Variants in KDM7A observed in about 807,000 individuals in gnomAD.
KDM7A encodes the protein lysine-specific demethylase 7A.
Under a neutral mutation model 114.8 loss-of-function variants are expected in KDM7A, and 28 were observed. The observed-to-expected ratio is 0.24, with a 90% CI of 0.18 to 0.33. The LOEUF (loss-of-function observed/expected upper bound fraction) is 0.33. Among genes scored for constraint, KDM7A ranks in the 10% least tolerant of loss-of-function variants. The probability of loss-of-function intolerance (pLI) is 1.00; values close to 1 mark genes in which losing one functional copy is unlikely to be tolerated. For synonymous variants in KDM7A, 423 were observed against 397.8 expected, an observed-to-expected ratio of 1.06 and a Z score of -0.75; for missense variants, 942 against 1,142.5, an observed-to-expected ratio of 0.82 and a Z score of 2.53.
intron 10 of KDM7A, 31 bp from the exon 11 acceptor site, chr7:140,111,215 C>T (rs377753098): frequency 7.0e-7 from 1 of 1,423,078 alleles, no homozygotes; most frequent in African/African-American, 1.4e-5. Flanking sequence ...ATAAGAAAAC[C>T]AAAGTTATTT....
intron 1 of KDM7A, among the ~76,000 whole-genome samples, chr7:140,153,403 G>A (rs1001637067): frequency 4.0e-5 from 6 of 151,492 alleles, no homozygotes; most frequent in East Asian, 2.0e-4. Context: ...GGAGAATGGC[G>A]TGAACCCAGG....
intron 1 of KDM7A, among the ~76,000 whole-genome samples, chr7:140,162,452 G>A (rs1794531436): frequency 6.6e-6 from 1 of 152,076 alleles, no homozygotes; most frequent in South Asian, 2.1e-4. Context: ...GGAAGAATAT[G>A]TTAACAAAAC....
At chr7:140,140,943 G>A (rs1044379744) in intron 1 of KDM7A, among the ~76,000 whole-genome samples, 3 of 151,890 alleles carry the variant, frequency 2.0e-5, no homozygotes, top group Admixed American at 6.6e-5. Flanking sequence ...AATCTATAGA[G>A]AAATCATAAG....
chr7:140,126,662 G>C lies in KDM7A; in HGVS notation c.863C>G (p.Thr288Ser). The part of the protein sequence containing the change: ...YTDFHIDFGG[T>S]SVWYHVLWGE... ...CCAGAGGACATGGTACCAGACTGAAGTTCCACCGAAGTCAATGTGGAAATC... is the reference window on the plus strand; with the variant it reads ...CCAGAGGACATGGTACCAGACTGAACTTCCACCGAAGTCAATGTGGAAATC... Residue 288 changes from threonine (T) to serine (S), a missense_variant, in exon 6 of 20, where the codon ACT (threonine) becomes AGT (serine). Physicochemically the swap from Thr to Ser is moderately conservative, Grantham distance 58. This residue lies in a region of KDM7A where 318 missense variants were observed against 453.1 expected (regional missense o/e 0.70). Transcript: ENST00000397560. 6.2e-7 allele frequency: 1 copy of C among 1,612,828 alleles called. No individual in the cohort carries two copies. The highest frequency in any genetic ancestry group is 8.5e-7 in the Non-Finnish European group (1 of 1,179,392).
At chr7:140,171,276 C>T (rs1045957017) in intron 1 of KDM7A, among the ~76,000 whole-genome samples, 11 of 147,460 alleles carry the variant, frequency 7.5e-5, no homozygotes, top group Non-Finnish European at 1.0e-4. Context: ...CTGGCTAACA[C>T]GGTGAAACCC....
intron 9 of KDM7A, 66 bp downstream of exon 9, chr7:140,119,047 T>C (rs577158424): frequency 2.3e-6 from 2 of 861,282 alleles, no homozygotes; most frequent in East Asian, 4.9e-5. Flanking sequence ...TTCTGTCAGG[T>C]GGCTATGAGT....
chr7:140,153,109 C>T (rs185816736), intron 1 of KDM7A, among the ~76,000 whole-genome samples: 2 of 151,916 alleles, frequency 1.3e-5, no homozygotes, highest in South Asian at 2.1e-4. Flanking sequence ...CCGCCCACCT[C>T]GGCCTCCCAA....
At position 140,119,099 on chromosome 7, in the gene KDM7A, A is replaced by T. The variant is rs745628133; in HGVS notation, c.1246+14T>A. The T allele has an allele frequency of 2.0e-6, 3 of 1,487,272 alleles. No individual in the cohort carries two copies. In the African/African-American group the frequency reaches 4.2e-5, roughly 21 times the overall value. 92.1% of individuals were successfully genotyped at this position (1,487,272 alleles called of 1,614,324 possible). A position where few individuals can be genotyped will look rare whatever the true frequency, so the allele number is the denominator to read the frequency against. On this transcript the variant is annotated intron_variant, in intron 9 of 19. Transcript: ENST00000397560. ...TGCATCATATCATATACAAACATGC[A>T]AATTATTAATTACCTTTCAGGGTTT...
chr7:140,096,083 T>C (rs1818104650), intron 17 of KDM7A, among the ~76,000 whole-genome samples: 2 of 152,160 alleles, frequency 1.3e-5, no homozygotes, highest in African/African-American at 4.8e-5. Flanking sequence ...GAAAACACTA[T>C]GTGGCATGCC....
intron 4 of KDM7A, among the ~76,000 whole-genome samples, chr7:140,128,466 C>T (rs1174773815): frequency 6.6e-6 from 1 of 152,192 alleles, no homozygotes; most frequent in Non-Finnish European, 1.5e-5. Flanking sequence ...AACTGAAGTG[C>T]TCTGCAGTAC....
intron 18 of KDM7A, among the ~76,000 whole-genome samples, chr7:140,092,929 T>C (rs1818046563): frequency 2.0e-5 from 3 of 152,216 alleles, no homozygotes; most frequent in Admixed American, 2.0e-4. Flanking sequence ...TAATGAGATT[T>C]CTTATGACCT....
At chr7:140,106,616 C>T (rs1818341046) in intron 11 of KDM7A, among the ~76,000 whole-genome samples, 1 of 152,174 alleles carries the variant, frequency 6.6e-6, no homozygotes, top group African/African-American at 2.4e-5. Flanking sequence ...TTTCTTAATC[C>T]TGAGTTCTAG....
At chr7:140,171,787 T>G (rs559755981) in intron 1 of KDM7A, among the ~76,000 whole-genome samples, 1 of 151,998 alleles carries the variant, frequency 6.6e-6, no homozygotes, top group South Asian at 2.1e-4. Context: ...CAGTATGCTC[T>G]TTTGTACTGG....
chr7:140,140,825 G>A (rs1235599310), intron 1 of KDM7A, among the ~76,000 whole-genome samples: 2 of 151,760 alleles, frequency 1.3e-5, no homozygotes, highest in Admixed American at 6.6e-5. Flanking sequence ...TGTGCTGGAG[G>A]ATCGAACTGG....
intron 1 of KDM7A, among the ~76,000 whole-genome samples, chr7:140,175,355 T>G (rs1202554585): frequency 6.6e-6 from 1 of 152,136 alleles, no homozygotes; most frequent in Non-Finnish European, 1.5e-5. Context: ...GTAGTGTTTC[T>G]GTAAAATTGG....
In KDM7A at chr7:140,176,869, C is replaced by A; in HGVS notation, c.69G>T (p.Val23=). Residue 23 remains valine (V), a synonymous_variant, in exon 1 of 20, where the codon GTG becomes GTT. Transcript: ENST00000397560. The surrounding 1 kb of genome is among the most constrained non-coding windows in gnomAD (Gnocchi z 4.4). Reference sequence around the variant, plus strand: ...GCGCCGAGGCCCGGCCGGGAGCCGCCACCGACACGGCTGCCGCGGCGGCTC... The same window carrying A: ...GCGCCGAGGCCCGGCCGGGAGCCGCAACCGACACGGCTGCCGCGGCGGCTC... ...AAGAAAAAVS[V]AAPGRASAPP... is the part of the protein sequence containing the mutation. 2 of 1,257,748 alleles carry A rather than the reference C, an allele frequency of 1.6e-6. No individual in the cohort carries two copies. Among genetic ancestry groups the A allele is most frequent in the South Asian group, 2.4e-5 (1 of 41,924 alleles). The allele number at this position is 1,257,748 out of a possible 1,614,324, so 77.9% of individuals were successfully genotyped here.
chr7:140,159,959 A>C (rs557179458), intron 1 of KDM7A, among the ~76,000 whole-genome samples: 21 of 151,806 alleles, frequency 1.4e-4, no homozygotes, highest in African/African-American at 3.6e-4. Context: ...AAAAAAAAAA[A>C]AAAAAACCTG....
intron 9 of KDM7A, among the ~76,000 whole-genome samples, chr7:140,116,795 C>T (rs1459995245): frequency 6.6e-6 from 1 of 152,094 alleles, no homozygotes; most frequent in Non-Finnish European, 1.5e-5. Context: ...AGATGTGGTC[C>T]AAAATTCAGC....
At chr7:140,154,418 C>T (rs781459104) in intron 1 of KDM7A, among the ~76,000 whole-genome samples, 3 of 150,186 alleles carry the variant, frequency 2.0e-5, no homozygotes, top group South Asian at 2.1e-4. Context: ...TGCTTGAGCC[C>T]GGGAGTTTGA....
Sources: gnomAD v4.1 joint callset for allele counts (sites outside exome capture counted in the v4.1 genomes callset) on GRCh38, gnomAD v4.1.1 for gene constraint, gnomAD v4.1.1 regional missense constraint, Gnocchi (gnomAD v3.1) non-coding constraint, MANE v1.5 for transcripts, NCBI Gene and HGNC (gene_info 2026-07-23, HGNC 2026-07-21) for gene names.